ADAMTS12: variants seen among roughly 807,000 people sequenced by gnomAD.
ADAMTS12 encodes the protein ADAM metallopeptidase with thrombospondin type 1 motif 12.
ADAMTS12 carries 118 observed loss-of-function variants against 167.8 expected under a neutral mutation model. The ratio of observed to expected loss-of-function variants is 0.70; its 90% CI spans 0.61 to 0.82. The LOEUF (loss-of-function observed/expected upper bound fraction) is 0.82, where lower values mean the gene tolerates loss of function less well. Among genes scored for constraint, ADAMTS12 ranks in the 40% least tolerant of loss-of-function variants. ADAMTS12 has a pLI of 0.00. For synonymous variants in ADAMTS12, 704 were observed against 716.9 expected (o/e 0.98, Z 0.29); for missense variants, 1,916 against 1,998.8 (o/e 0.96, Z 0.79).
chr5:33,680,126 C>A (rs529245306), intron 5 of ADAMTS12, among the ~76,000 whole-genome samples: 1 of 152,256 alleles, frequency 6.6e-6, no homozygotes, highest in South Asian at 2.1e-4. Context: ...AAAGCTTGAA[C>A]GAGGATAATA....
At chr5:33,678,019 A>C (rs946602014) in intron 5 of ADAMTS12, among the ~76,000 whole-genome samples, 1 of 152,182 alleles carries the variant, frequency 6.6e-6, no homozygotes, top group African/African-American at 2.4e-5. Context: ...ATAAAGCCCC[A>C]AATGGTGTTA....
intron 2 of ADAMTS12, among the ~76,000 whole-genome samples, chr5:33,861,903 C>A (rs568449994): frequency 1.1e-4 from 17 of 152,262 alleles, no homozygotes; most frequent in African/African-American, 4.1e-4. Flanking sequence ...TACATGGAAA[C>A]TGAATAACTT....
chr5:33,694,764 A>C (rs1691966354), intron 3 of ADAMTS12, among the ~76,000 whole-genome samples: 1 of 152,246 alleles, frequency 6.6e-6, no homozygotes, highest in Non-Finnish European at 1.5e-5. Context: ...AAGACTTGAT[A>C]TGATAAAAAA....
At chr5:33,603,801 A>T (rs1213936695) in intron 16 of ADAMTS12, 1 of 152,126 alleles carries the variant, frequency 6.6e-6, no homozygotes, top group Non-Finnish European at 1.5e-5. Flanking sequence ...ACTTTGTTCC[A>T]AATGTGTAAC....
chr5:33,827,751 A>C (rs1561294124), intron 2 of ADAMTS12, among the ~76,000 whole-genome samples: 1 of 148,760 alleles, frequency 6.7e-6, no homozygotes, highest in Non-Finnish European at 1.5e-5. Context: ...AGATAGATAG[A>C]TAGATAGATA....
chr5:33,855,610 T>C (rs993814224), intron 2 of ADAMTS12, among the ~76,000 whole-genome samples: 1 of 152,230 alleles, frequency 6.6e-6, no homozygotes, highest in Admixed American at 6.5e-5. Context: ...ACATGACTAC[T>C]GGGTTTATAT....
chr5:33,565,023 G>T (rs950954737), intron 19 of ADAMTS12, among the ~76,000 whole-genome samples: 1 of 152,156 alleles, frequency 6.6e-6, no homozygotes, highest in African/African-American at 2.4e-5. Flanking sequence ...GGAGATAAGT[G>T]ACTCATTACG....
chr5:33,529,195 T>A (rs1296670528), intron 23 of ADAMTS12, among the ~76,000 whole-genome samples: 2 of 152,180 alleles, frequency 1.3e-5, no homozygotes, highest in African/African-American at 4.8e-5. Context: ...ATACAATTAG[T>A]CACCTGAGTT....
chr5:33,751,097 T>A (rs993405013), intron 3 of ADAMTS12: 49 of 451,842 alleles, frequency 1.1e-4, no homozygotes, highest in African/African-American at 7.2e-4. Flanking sequence ...AAGAGTTTTT[T>A]AAAAAAAATT....
intron 16 of ADAMTS12, among the ~76,000 whole-genome samples, chr5:33,608,496 G>C (rs924883997): frequency 6.6e-6 from 1 of 152,144 alleles, no homozygotes; most frequent in Non-Finnish European, 1.5e-5. Context: ...CACTTATCAC[G>C]CTTAGAGTTC....
At chr5:33,606,067 C>T (rs1738424322) in intron 16 of ADAMTS12, among the ~76,000 whole-genome samples, 1 of 152,182 alleles carries the variant, frequency 6.6e-6, no homozygotes, top group Non-Finnish European at 1.5e-5. Flanking sequence ...CCTCCCTCAG[C>T]CTCCCAAGTA....
At chr5:33,597,629 A>C (rs1579724696) in intron 16 of ADAMTS12, among the ~76,000 whole-genome samples, 1 of 152,152 alleles carries the variant, frequency 6.6e-6, no homozygotes, top group East Asian at 1.9e-4. Context: ...TTGTCACTTA[A>C]AAAAGTGTCA....
intron 19 of ADAMTS12, among the ~76,000 whole-genome samples, chr5:33,565,906 C>A (rs116490696): frequency 0.012 from 1,878 of 152,066 alleles, 32 homozygotes; most frequent in African/African-American, 0.044. Context: ...TAACATTTGT[C>A]AATTAATTAA....
chr5:33,595,859 C>A, intron 17 of ADAMTS12, 75 bp downstream of exon 17: 2 of 1,560,794 alleles, frequency 1.3e-6, no homozygotes, highest in South Asian at 1.2e-5. Context: ...TCTTTATCAG[C>A]AAGCACTAGG....
chr5:33,585,682 T>A (rs760996114), intron 18 of ADAMTS12, among the ~76,000 whole-genome samples: 1 of 152,202 alleles, frequency 6.6e-6, no homozygotes, highest in Non-Finnish European at 1.5e-5. Flanking sequence ...ACCCTTTAAG[T>A]CCACAAAGTA....
chr5:33,694,185 C>T (rs564533022), intron 3 of ADAMTS12, among the ~76,000 whole-genome samples: 13 of 152,134 alleles, frequency 8.5e-5, no homozygotes, highest in Non-Finnish European at 1.8e-4. Context: ...ACATTCCATG[C>T]TCATGGATAG....
intron 2 of ADAMTS12, among the ~76,000 whole-genome samples, chr5:33,813,361 T>C (rs1018943869): frequency 6.6e-6 from 1 of 152,338 alleles, no homozygotes; most frequent in South Asian, 2.1e-4. Flanking sequence ...TATTGGTAAT[T>C]TGAATAACCT....
chr5:33,528,822 G>A (rs373749556), intron 23 of ADAMTS12, among the ~76,000 whole-genome samples: 6 of 152,172 alleles, frequency 3.9e-5, no homozygotes, highest in African/African-American at 9.7e-5. Flanking sequence ...TGACGTGGGC[G>A]GATCATGAGG....
chr5:33,527,811 G>A (rs568553483), intron 23 of ADAMTS12, among the ~76,000 whole-genome samples: 2 of 152,342 alleles, frequency 1.3e-5, no homozygotes, highest in Admixed American at 1.3e-4. Flanking sequence ...CACCAAGGGT[G>A]ATAAGAGACA....
Sources: gnomAD v4.1 joint callset for allele counts (sites outside exome capture counted in the v4.1 genomes callset) on GRCh38, gnomAD v4.1.1 for gene constraint, MANE v1.5 for transcripts, NCBI Gene and HGNC (gene_info 2026-07-23, HGNC 2026-07-21) for gene names.